Variants in BCAS3 observed in about 807,000 individuals in gnomAD.
The protein encoded by BCAS3 is BCAS4/BCAS3 fusion.
In BCAS3, 53 loss-of-function variants were observed where a neutral mutation model predicts 116.1. The observed-to-expected ratio is 0.46, with a 90% CI of 0.37 to 0.57. BCAS3 has a LOEUF of 0.57. BCAS3 is among the 20% of genes least tolerant of loss of function. The probability of loss-of-function intolerance (pLI) is 0.00; values close to 1 mark genes in which losing one functional copy is unlikely to be tolerated. For synonymous variants in BCAS3, 391 were observed against 408.2 expected (o/e 0.96, Z 0.51); for missense variants, 917 against 1,165.4 (o/e 0.79, Z 3.10).
chr17:60,802,283 C>CAAAA lies in BCAS3; in HGVS notation c.404-5711_404-5708dup, dbSNP rs1174016996. ...TGTGCAACAGAGTGAGACTCTGTCT[C>CAAAA]AAAAAAAAAAAAATATATATATATA... On this transcript the variant is annotated intron_variant, in intron 6 of 23. Transcript: ENST00000407086. Among the ~76,000 whole-genome samples, 329 of 107,892 alleles carry CAAAA rather than the reference C, an allele frequency of 3.0e-3. 2 individuals carry two copies. Among genetic ancestry groups the CAAAA allele is most frequent in the African/African-American group, 0.01 (269 of 26,400 alleles). The allele number at this position is 107,892 out of a possible 152,430, so 70.8% of individuals were successfully genotyped here. A position where few individuals can be genotyped will look rare whatever the true frequency, so the allele number is the denominator to read the frequency against.
At position 61,364,722 on chromosome 17, in the gene BCAS3, C is replaced by T. The variant is rs1156391500; in HGVS notation, c.2426-3605C>T. Among the ~76,000 whole-genome samples, 11 of 152,178 alleles carry T rather than the reference C, an allele frequency of 7.2e-5. No individual in the cohort carries two copies. The highest frequency in any genetic ancestry group is 7.2e-4 in the Admixed American group (11 of 15,274). On this transcript the variant is annotated intron_variant, in intron 22 of 23. Coordinates refer to ENST00000407086, the MANE Select transcript of BCAS3 (RefSeq NM_017679.5). This position sits in a 1 kb window ranked among gnomAD's most constrained non-coding sequence, Gnocchi z 5.4. Reference sequence around the variant, plus strand: ...GACCCCGTCTCAAAACAAAACAAAACAAAACAGTTCTCCACTGCAGGTGTT... The same window carrying T: ...GACCCCGTCTCAAAACAAAACAAAATAAAACAGTTCTCCACTGCAGGTGTT...
intron 22 of BCAS3, among the ~76,000 whole-genome samples, chr17:61,127,484 A>T (rs2076104777): frequency 6.6e-6 from 1 of 152,096 alleles, no homozygotes; most frequent in Non-Finnish European, 1.5e-5. Context: ...CCAATACAAT[A>T]GCCACTAGCT....
chr17:61,372,460 TGG>T (rs2059100149), intron 23 of BCAS3, among the ~76,000 whole-genome samples: 2 of 152,228 alleles, frequency 1.3e-5, no homozygotes, highest in African/African-American at 2.4e-5. Context: ...ATTTCCAAGT[TGG>T]CTTTGTCTCC....
At chr17:61,371,372 C>T (rs2059032460) in intron 23 of BCAS3, among the ~76,000 whole-genome samples, 1 of 152,326 alleles carries the variant, frequency 6.6e-6, no homozygotes, top group East Asian at 1.9e-4. Context: ...TACCCTAGGG[C>T]AGGTCAGCTC....
rs747671904 is a variant in BCAS3 at position 61,369,451 on chromosome 17, C to T, written c.2593+957C>T. ...GAGAAACTTACAACAATGGGGCAGG[C>T]GCTGATCAGGACCAGCAAGATTCAG... On this transcript the variant is annotated intron_variant, in intron 23 of 23. Transcript: ENST00000407086. 5.3e-5 allele frequency among the ~76,000 whole-genome samples: 8 copies of T among 152,184 alleles called. No individual in the cohort carries two copies. The East Asian group carries it at 5.8e-4, about 11-fold the overall frequency.
At chr17:61,328,248 C>T (rs985542031) in intron 22 of BCAS3, among the ~76,000 whole-genome samples, 1 of 151,900 alleles carries the variant, frequency 6.6e-6, no homozygotes, top group South Asian at 2.1e-4. Context: ...AAAGAAAAAA[C>T]TAGTAGAAGC....
rs1466926013 is a variant in BCAS3, at chr17:61,180,380, C to G, written c.2425+95816C>G. Among the ~76,000 whole-genome samples, 1 of 152,150 alleles carries G rather than the reference C, an allele frequency of 6.6e-6. No individual in the cohort carries two copies. The highest frequency in any genetic ancestry group is 1.5e-5 in the Non-Finnish European group (1 of 68,020). Reference sequence around the variant, plus strand: ...GAGATTAAACTATTCAGCCAACAAGCTGTAATAAATAAACTCTAAGCCAAT... The same window carrying G: ...GAGATTAAACTATTCAGCCAACAAGGTGTAATAAATAAACTCTAAGCCAAT... On this transcript the variant is annotated intron_variant, in intron 22 of 23. Transcript: ENST00000407086. This position sits in a 1 kb window ranked among gnomAD's most constrained non-coding sequence, Gnocchi z 6.0.
chr17:61,232,734 T>C (rs1839965190), intron 22 of BCAS3, among the ~76,000 whole-genome samples: 1 of 152,216 alleles, frequency 6.6e-6, no homozygotes, highest in Non-Finnish European at 1.5e-5. Context: ...TCTCTTCTCA[T>C]TGCTCTTCGT....
chr17:61,059,995 TGAAA>T (rs2069817878), intron 19 of BCAS3, among the ~76,000 whole-genome samples: 1 of 150,636 alleles, frequency 6.6e-6, no homozygotes, highest in Admixed American at 6.6e-5. Context: ...AAAGTGAAAA[TGAAA>T]GAAAGAAGGG....
At chr17:61,223,261 A>G (rs1198036588) in intron 22 of BCAS3, among the ~76,000 whole-genome samples, 3 of 142,880 alleles carry the variant, frequency 2.1e-5, no homozygotes, top group Admixed American at 1.5e-4. Flanking sequence ...GGGTTCAAGC[A>G]GTTCTCCTGC....
chr17:61,229,130 C>T lies in BCAS3; in HGVS notation c.2426-139197C>T, dbSNP rs1046486286. ...TTGGCCTCAAGCAATCCTCTTGCCTCGGCCTCCCAAAGTGCTGGGATTACT... is the reference window on the plus strand; with the variant it reads ...TTGGCCTCAAGCAATCCTCTTGCCTTGGCCTCCCAAAGTGCTGGGATTACT... On this transcript the variant is annotated intron_variant, in intron 22 of 23. Coordinates refer to ENST00000407086, the MANE Select transcript of BCAS3 (RefSeq NM_017679.5). This position sits in a 1 kb window ranked among gnomAD's most constrained non-coding sequence, Gnocchi z 4.4. 6.6e-6 allele frequency among the ~76,000 whole-genome samples: 1 copy of T among 152,208 alleles called. No homozygotes were observed. The highest frequency in any genetic ancestry group is 1.5e-5 in the Non-Finnish European group (1 of 68,034).
At chr17:61,006,445 C>G (rs1384152689) in intron 15 of BCAS3, among the ~76,000 whole-genome samples, 1 of 152,036 alleles carries the variant, frequency 6.6e-6, no homozygotes, top group Non-Finnish European at 1.5e-5. Flanking sequence ...AATAAAGTCA[C>G]ATTTGTTGAA....
chr17:60,913,996 T>C (rs1369983285), intron 12 of BCAS3, among the ~76,000 whole-genome samples: 1 of 152,164 alleles, frequency 6.6e-6, no homozygotes, highest in Non-Finnish European at 1.5e-5. Flanking sequence ...CTAATGGAAA[T>C]AAAATGCTTC....
intron 16 of BCAS3, among the ~76,000 whole-genome samples, chr17:61,033,230 A>T (rs1435671581): frequency 6.6e-6 from 1 of 152,102 alleles, no homozygotes; most frequent in African/African-American, 2.4e-5. Context: ...CATGCATCAG[A>T]ATCATCTGGA....
chr17:61,140,761 C>A lies in BCAS3; in HGVS notation c.2425+56197C>A, dbSNP rs2076875259. Among the ~76,000 whole-genome samples, 1 of 152,082 alleles carries A rather than the reference C, an allele frequency of 6.6e-6. No homozygotes were observed. The highest frequency in any genetic ancestry group is 2.4e-5 in the African/African-American group (1 of 41,404). On this transcript the variant is annotated intron_variant, in intron 22 of 23. Transcript: ENST00000407086. This position sits in a 1 kb window ranked among gnomAD's most constrained non-coding sequence, Gnocchi z 4.2. ...ATATTTACATAGTTTATAGTTGTTA[C>A]ATAAAACTTTCATGTTCTTTTCCTT... is the stretch of plus-strand genomic sequence containing the variant.
rs150873422 is a variant in BCAS3 at position 61,376,223 on chromosome 17, G to A, written c.2593+7729G>A. 8.5e-5 allele frequency among the ~76,000 whole-genome samples: 13 copies of A among 152,278 alleles called. 1 individual carries two copies. The highest frequency in any genetic ancestry group is 2.9e-4 in the African/African-American group (12 of 41,538). On this transcript the variant is annotated intron_variant, in intron 23 of 23. Coordinates refer to ENST00000407086, the MANE Select transcript of BCAS3 (RefSeq NM_017679.5). This position sits in a 1 kb window ranked among gnomAD's most constrained non-coding sequence, Gnocchi z 4.5. Reference sequence around the variant, plus strand: ...CCCTTTCCCAAACCTGAGATTCTCTGATTCTAAGTGAAAGGTGAGCCTCCT... The same window carrying A: ...CCCTTTCCCAAACCTGAGATTCTCTAATTCTAAGTGAAAGGTGAGCCTCCT...
intron 19 of BCAS3, among the ~76,000 whole-genome samples, chr17:61,062,640 G>A (rs2070184845): frequency 6.6e-6 from 1 of 152,068 alleles, no homozygotes; most frequent in African/African-American, 2.4e-5. Context: ...TGTGGAAAAA[G>A]GGAGTTAAAA....
At chr17:60,732,771 G>A (rs767414354) in intron 5 of BCAS3, among the ~76,000 whole-genome samples, 2 of 152,082 alleles carry the variant, frequency 1.3e-5, no homozygotes, top group African/African-American at 4.8e-5. Context: ...CCTGGGAGGC[G>A]GAGGTTGCAG....
rs753087225 is a variant in BCAS3 at position 61,068,776 on chromosome 17, G to A, written c.2030-6144G>A. On this transcript the variant is annotated intron_variant, in intron 19 of 23. Transcript: ENST00000407086. This position sits in a 1 kb window ranked among gnomAD's most constrained non-coding sequence, Gnocchi z 4.3. ...TCCCCTTTCTGTCTCTGCCAGTCTC[G>A]CTCCAATCTCAGGGTATCATTCCTA... Among the ~76,000 whole-genome samples the A allele has an allele frequency of 2.6e-5, 4 of 152,014 alleles. No individual in the cohort carries two copies. Among genetic ancestry groups the A allele is most frequent in the Non-Finnish European group, 5.9e-5 (4 of 68,020 alleles).
Sources: allele counts gnomAD v4.1 joint callset (sites outside exome capture counted in the v4.1 genomes callset), GRCh38; gene constraint gnomAD v4.1.1; non-coding constraint Gnocchi (gnomAD v3.1); transcripts MANE v1.5; gene names NCBI Gene and HGNC (gene_info 2026-07-23, HGNC 2026-07-21).